GUF1: variants seen among roughly 807,000 people sequenced by gnomAD.
GUF1 encodes GTP binding elongation factor GUF1.
Under a neutral mutation model 82.4 loss-of-function variants are expected in GUF1, and 78 were observed. The ratio of observed to expected loss-of-function variants is 0.95; its 90% CI spans 0.79 to 1.14. The LOEUF (loss-of-function observed/expected upper bound fraction) is 1.14, where lower values mean the gene tolerates loss of function less well. Ranked by LOEUF, GUF1 falls within the 50% of genes most tolerant of loss-of-function variation. GUF1 has a pLI of 0.00. For missense variants in GUF1, 814 were observed against 798.2 expected (o/e 1.02, Z -0.24); for synonymous variants, 279 against 282.3 (o/e 0.99, Z 0.12).
chr4:44,680,402 C>A (rs757710983), intron 1 of GUF1, 39 bp from the exon 2 acceptor site: 1 of 948,868 alleles, frequency 1.1e-6, no homozygotes, highest in Non-Finnish European at 1.6e-6. Context: ...GATAGTATGC[C>A]AAATTTATAC....
rs1716021131 is a variant in GUF1 at position 44,698,768 on chromosome 4, G to C, written c.*87G>C. On this transcript the variant is annotated 3_prime_UTR_variant, in exon 17 of 17. Transcript: ENST00000281543. ...TATAAAATTTGCTTGTTACTTTCAG[G>C]GTATTCAGGTTCAAATAACCTACTA... is the stretch of plus-strand genomic sequence containing the variant. 1 of 1,236,518 alleles carries C rather than the reference G, an allele frequency of 8.1e-7. No individual in the cohort carries two copies. Among genetic ancestry groups the C allele is most frequent in the Non-Finnish European group, 1.1e-6 (1 of 891,028 alleles). 76.6% of individuals were successfully genotyped at this position (1,236,518 alleles called of 1,614,324 possible). A position where few individuals can be genotyped will look rare whatever the true frequency, so the allele number is the denominator to read the frequency against.
intron 4 of GUF1, among the ~76,000 whole-genome samples, chr4:44,681,406 T>G (rs1405790951): frequency 1.3e-5 from 2 of 152,132 alleles, no homozygotes; most frequent in Non-Finnish European, 2.9e-5. Flanking sequence ...TGACTAGTTT[T>G]TAAATTGGAA....
chr4:44,694,301 CTT>C lies in GUF1; in HGVS notation c.1614-109_1614-108del, dbSNP rs1021553448. ...GTAATATTTTGATGGAAACATATCT[CTT>C]TGGGGAGTGTAATGCGGTAGAAAGT... On this transcript the variant is annotated intron_variant, in intron 13 of 16. Transcript: ENST00000281543. 21 of 689,830 alleles carry C rather than the reference CTT, an allele frequency of 3.0e-5. No homozygotes were observed. In the African/African-American group the frequency reaches 3.8e-4, roughly 13 times the overall value. The allele number at this position is 689,830 out of a possible 1,614,324, so 42.7% of individuals were successfully genotyped here. A position where few individuals can be genotyped will look rare whatever the true frequency, so the allele number is the denominator to read the frequency against.
chr4:44,690,786 TA>T lies in GUF1; in HGVS notation c.1406del (p.Tyr469PhefsTer20). 1 of 1,602,068 alleles carries T rather than the reference TA, an allele frequency of 6.2e-7. No individual in the cohort carries two copies. Among genetic ancestry groups the T allele is most frequent in the Non-Finnish European group, 8.5e-7 (1 of 1,170,556 alleles). ...CCCCGATAAATCAAAAGTAACAGAA[TA>T]TTTGGAGCCAGTTGTTTTGGGCACT... ...QFPDKSKVTE[Y>X]LEPVVLGTII... is the part of the protein sequence containing the mutation. On this transcript the variant is annotated frameshift_variant, in exon 12 of 17. Coordinates refer to ENST00000281543, the MANE Select transcript of GUF1 (RefSeq NM_021927.3). LOFTEE classifies it high-confidence loss of function.
chr4:44,687,815 G>C (rs980081912), intron 8 of GUF1, among the ~76,000 whole-genome samples, 192 bp from the exon 9 acceptor site: 10 of 151,868 alleles, frequency 6.6e-5, no homozygotes, highest in Admixed American at 6.6e-4. Context: ...GAGGTCTAAT[G>C]GATTGTAAGA....
Position 44,685,951 on chromosome 4 carries a change from C to A in GUF1, c.670-8C>A. Reference sequence around the variant, plus strand: ...AAATGCTTATATTTTTCACATGTATCTTTTTAGATTTCTGCTAAACTTGGA... The same window carrying A: ...AAATGCTTATATTTTTCACATGTATATTTTTAGATTTCTGCTAAACTTGGA... On this transcript the variant is annotated splice_region_variant and splice_polypyrimidine_tract_variant and intron_variant, in intron 6 of 16. Coordinates refer to ENST00000281543, the MANE Select transcript of GUF1 (RefSeq NM_021927.3). 6.3e-7 allele frequency: 1 copy of A among 1,581,108 alleles called. No individual in the cohort carries two copies. The highest frequency in any genetic ancestry group is 2.2e-5 in the East Asian group (1 of 44,488).
intron 4 of GUF1, among the ~76,000 whole-genome samples, chr4:44,681,929 A>G (rs934684091): frequency 1.3e-5 from 2 of 152,086 alleles, no homozygotes; most frequent in Non-Finnish European, 2.9e-5. Flanking sequence ...TGTTTCTCCA[A>G]TGCCTGATGT....
Position 44,689,378 on chromosome 4 carries a change from G to T in GUF1, c.1171G>T (p.Asp391Tyr). 1.2e-6 allele frequency: 2 copies of T among 1,608,268 alleles called. No individual in the cohort carries two copies. The highest frequency in any genetic ancestry group is 1.7e-6 in the Non-Finnish European group (2 of 1,176,544). ...LNDSSVTVHR[D>Y]SSLALGAGWR... is the part of the protein sequence containing the mutation. ...TGATTCCAGTGTGACCGTTCATCGG[G>T]ATAGTAGCCTTGCTCTGGGTGCTGG... Residue 391 changes from aspartate to tyrosine, a missense_variant, in exon 10 of 17, where the codon GAT becomes TAT. Coordinates refer to ENST00000281543, the MANE Select transcript of GUF1 (RefSeq NM_021927.3).
intron 1 of GUF1, among the ~76,000 whole-genome samples, chr4:44,679,300 T>A (rs577747180): frequency 3.4e-4 from 51 of 152,192 alleles, no homozygotes; most frequent in Non-Finnish European, 6.3e-4. Context: ...TGCAGGAAGT[T>A]CTCGGTCTGT....
intron 1 of GUF1, 135 bp downstream of exon 1, chr4:44,678,922 AGAGTGT>A: frequency 1.1e-6 from 1 of 885,848 alleles, no homozygotes; most frequent in Non-Finnish European, 1.6e-6. Flanking sequence ...GGCAGAGCGG[AGAGTGT>A]GAGCACTGCT....
At position 44,689,391 on chromosome 4, in the gene GUF1, C is replaced by T. The variant is rs1266374829; in HGVS notation, c.1184C>T (p.Ala395Val). The T allele has an allele frequency of 3.7e-6, 6 of 1,604,870 alleles. No individual in the cohort carries two copies. The highest frequency in any genetic ancestry group is 1.7e-4 in the Middle Eastern group (1 of 6,046). The change falls in exon 10 of 17, where the codon GCT becomes GTT. Residue 395 changes from alanine (A) to valine (V), a missense_variant. Physicochemically the swap from Ala to Val is moderately conservative, Grantham distance 64. Coordinates refer to ENST00000281543, the MANE Select transcript of GUF1 (RefSeq NM_021927.3). ...ACCGTTCATCGGGATAGTAGCCTTG[C>T]TCTGGGTGCTGGCTGGAGGTAAGAT... Reference protein sequence around the residue: ...SVTVHRDSSLALGAGWRLGFL... With the variant: ...SVTVHRDSSLVLGAGWRLGFL...
rs1021004164 is a variant in GUF1, at chr4:44,691,665, G to A, written c.1480-1G>A. 5.7e-6 allele frequency: 9 copies of A among 1,582,922 alleles called. No homozygotes were observed. In the Admixed American group the frequency reaches 1.2e-4, roughly 22 times the overall value. ...ACCCATTTTCTTCCTTCCCTTTTTA[G>A]GCTCGAAGAGCAGTTCAGAAGAATA... On this transcript the variant is annotated splice_acceptor_variant, in intron 12 of 16. Transcript: ENST00000281543. LOFTEE classifies it high-confidence loss of function.
chr4:44,691,619 A>AT (rs777234440), intron 12 of GUF1, 47 bp from the exon 13 acceptor site: 1 of 1,471,660 alleles, frequency 6.8e-7, no homozygotes, highest in Non-Finnish European at 9.3e-7. Flanking sequence ...ATTCCTCAGT[A>AT]TTTGAGTAGG....
chr4:44,692,452 C>A (rs1003651885), intron 13 of GUF1, among the ~76,000 whole-genome samples: 4 of 151,810 alleles, frequency 2.6e-5, no homozygotes, highest in African/African-American at 9.7e-5. Flanking sequence ...TAGATACCCT[C>A]ACTATGCCCT....
intron 14 of GUF1, 35 bp downstream of exon 14, chr4:44,694,548 A>C (rs758179284): frequency 6.7e-6 from 8 of 1,197,608 alleles, no homozygotes; most frequent in Admixed American, 4.2e-5. Context: ...GGAATGTGAA[A>C]ATACTTTTGA....
rs1431073534 is a variant in GUF1, at chr4:44,680,744, G to A, written c.328G>A (p.Val110Met). Residue 110 changes from valine (V) to methionine (M), a missense_variant, in exon 3 of 17, where the codon GTG becomes ATG. By Grantham distance (21) the Val-to-Met change is conservative. Transcript: ENST00000281543. Reference sequence around the variant, plus strand: ...TAAGCAGGTTCTTGATAAATTGCAAGTGGAACGAGAAAGAGGAATCACTGT... The same window carrying A: ...TAAGCAGGTTCTTGATAAATTGCAAATGGAACGAGAAAGAGGAATCACTGT... ...NNKQVLDKLQ[V>M]ERERGITVKA... 6.2e-7 allele frequency: 1 copy of A among 1,611,236 alleles called. No homozygotes were observed. Among genetic ancestry groups the A allele is most frequent in the Non-Finnish European group, 8.5e-7 (1 of 1,178,142 alleles).
At chr4:44,683,856 C>T (rs1714906585) in intron 6 of GUF1, among the ~76,000 whole-genome samples, 1 of 152,090 alleles carries the variant, frequency 6.6e-6, no homozygotes, top group Non-Finnish European at 1.5e-5. Flanking sequence ...TAAACAGCCA[C>T]AGCCAAACTG....
Position 44,690,722 on chromosome 4 carries a change from T to G in GUF1, c.1341T>G (p.His447Gln), listed in dbSNP as rs772147687. Residue 447 changes from histidine (H) to glutamine (Q), a missense_variant, in exon 12 of 17, where the codon CAT (histidine) becomes CAG (glutamine). Physicochemically the swap from His to Gln is conservative, Grantham distance 24. Transcript: ENST00000281543. ...CTGATTTTTCTAATTTTTAGGAACA[T>G]AGAGAAAAAGAAATTACAATTATCA... ...VLSSSKLIKE[H>Q]REKEITIINP... The G allele has an allele frequency of 7.2e-6, 11 of 1,537,656 alleles. No homozygotes were observed. The highest frequency in any genetic ancestry group is 9.8e-6 in the Non-Finnish European group (11 of 1,124,976).
At chr4:44,691,474 T>C (rs1276679741) in intron 12 of GUF1, among the ~76,000 whole-genome samples, 192 bp from the exon 13 acceptor site, 1 of 151,758 alleles carries the variant, frequency 6.6e-6, no homozygotes, top group African/African-American at 2.4e-5. Context: ...ATAGTGTTCA[T>C]TTTAAAAGAT....
Sources: allele counts gnomAD v4.1 joint callset (sites outside exome capture counted in the v4.1 genomes callset), GRCh38; gene constraint gnomAD v4.1.1; transcripts MANE v1.5; gene names NCBI Gene and HGNC (gene_info 2026-07-23, HGNC 2026-07-21).